Variants in PATJ observed in about 807,000 individuals in gnomAD.
PATJ encodes the protein inaD-like protein.
PATJ carries 190 observed loss-of-function variants against 224.9 expected under a neutral mutation model. The ratio of observed to expected loss-of-function variants is 0.84; its 90% CI spans 0.75 to 0.95. The LOEUF (loss-of-function observed/expected upper bound fraction) is 0.95, where lower values mean the gene tolerates loss of function less well. PATJ is among the 40% of genes least tolerant of loss of function. The pLI, the probability that PATJ is intolerant of heterozygous loss-of-function variation, is 0.00. For synonymous variants in PATJ, 769 were observed against 820.3 expected (o/e 0.94, Z 1.07); for missense variants, 2,121 against 2,270.3 (o/e 0.93, Z 1.34).
At position 61,801,682 on chromosome 1, in the gene PATJ, G is replaced by A; in HGVS notation, c.1462G>A (p.Glu488Lys). The part of the protein sequence containing the change: ...ALFLTGAVET[E>K]TNVDGEDEEI... ...CTTTCTAACTGGAGCAGTGGAAACT[G>A]AAACTAATGTGGATGGTGAAGATGA... The change falls in exon 12 of 44, where the codon GAA becomes AAA. Residue 488 changes from glutamate (E) to lysine (K), a missense_variant. Coordinates refer to ENST00000642238, the MANE Select transcript of PATJ (RefSeq NM_001350145.3). The A allele has an allele frequency of 6.2e-7, 1 of 1,601,866 alleles. No homozygotes were observed. The highest frequency in any genetic ancestry group is 1.1e-5 in the South Asian group (1 of 89,422).
In PATJ at chr1:61,941,537, G is replaced by A. The variant is rs1011835791; in HGVS notation, c.3670+13708G>A. Among the ~76,000 whole-genome samples, 5 of 152,218 alleles carry A rather than the reference G, an allele frequency of 3.3e-5. 1 individual carries two copies. Among genetic ancestry groups the A allele is most frequent in the Admixed American group, 2.6e-4 (4 of 15,302 alleles). On this transcript the variant is annotated intron_variant, in intron 27 of 43. Transcript: ENST00000642238. ...GTGGTGGCACACACCTGTAGTCCCA[G>A]CTATTTGATAGGCTGAAGCACGAGA...
chr1:61,950,536 A>G (rs549888613), intron 27 of PATJ, among the ~76,000 whole-genome samples: 1 of 152,232 alleles, frequency 6.6e-6, no homozygotes, highest in East Asian at 1.9e-4. Context: ...AATTTTGTCT[A>G]TTTTTTGTAT....
intron 6 of PATJ, among the ~76,000 whole-genome samples, chr1:61,773,021 C>A (rs1646704853): frequency 6.6e-6 from 1 of 152,034 alleles, no homozygotes; most frequent in East Asian, 1.9e-4. Context: ...ATTAAACAAT[C>A]CCAATATTGC....
In PATJ at chr1:62,102,090, G is replaced by C. The variant is rs537225049; in HGVS notation, c.4378-6347G>C. Among the ~76,000 whole-genome samples, 15 of 152,130 alleles carry C rather than the reference G, an allele frequency of 9.9e-5. No homozygotes were observed. In the South Asian group the frequency reaches 3.1e-3, roughly 32 times the overall value. ...ACTACTCAGGAGGCTGAGGTGAGAG[G>C]ATCACTTGAGCCCAGGAGGTCAAAC... On this transcript the variant is annotated intron_variant, in intron 33 of 43. Coordinates refer to ENST00000642238, the MANE Select transcript of PATJ (RefSeq NM_001350145.3).
At chr1:61,844,589 T>A (rs1461116958) in intron 17 of PATJ, among the ~76,000 whole-genome samples, 1 of 152,202 alleles carries the variant, frequency 6.6e-6, no homozygotes, top group East Asian at 1.9e-4. Flanking sequence ...GTTATACTTG[T>A]TCTTTTTTTA....
chr1:62,104,708 T>C (rs534212613), intron 33 of PATJ, among the ~76,000 whole-genome samples: 126 of 152,336 alleles, frequency 8.3e-4, no homozygotes, highest in African/African-American at 3.0e-3. Flanking sequence ...AGTCTCATTC[T>C]GTCTTGCCCA....
chr1:61,750,517 C>T (rs1645265496), intron 1 of PATJ, among the ~76,000 whole-genome samples: 1 of 146,362 alleles, frequency 6.8e-6, no homozygotes, highest in Admixed American at 7.0e-5. Flanking sequence ...CTCACCACAA[C>T]CTCTGCCTCC....
At chr1:61,978,092 G>A (rs1644242439) in intron 27 of PATJ, among the ~76,000 whole-genome samples, 1 of 151,508 alleles carries the variant, frequency 6.6e-6, no homozygotes, top group Non-Finnish European at 1.5e-5. Flanking sequence ...TCTCTTCTCT[G>A]AAAGTCATCA....
intron 22 of PATJ, among the ~76,000 whole-genome samples, chr1:61,896,967 T>C (rs767417989): frequency 6.6e-5 from 10 of 152,162 alleles, no homozygotes; most frequent in Non-Finnish European, 1.2e-4. Flanking sequence ...TTTATAACAG[T>C]GTGAAAATGG....
intron 39 of PATJ, among the ~76,000 whole-genome samples, chr1:62,125,598 G>A (rs865885502): frequency 2.3e-4 from 35 of 152,266 alleles, no homozygotes; most frequent in African/African-American, 8.2e-4. Flanking sequence ...GAAACATCAT[G>A]ATGGATTTAA....
Position 61,861,532 on chromosome 1 carries a change from A to C in PATJ, c.2323-19A>C, listed in dbSNP as rs761826899. The stretch of plus-strand genomic sequence containing the variant: ...ACAATATTTTCTTATTTATAAATAA[A>C]AGTGGTTTATATTTTCAGGAAGATA... On this transcript the variant is annotated intron_variant, in intron 18 of 43. Coordinates refer to ENST00000642238, the MANE Select transcript of PATJ (RefSeq NM_001350145.3). 5 of 1,090,628 alleles carry C rather than the reference A, an allele frequency of 4.6e-6. No homozygotes were observed. Among genetic ancestry groups the C allele is most frequent in the Non-Finnish European group, 6.8e-6 (5 of 739,020 alleles). 67.6% of individuals were successfully genotyped at this position (1,090,628 alleles called of 1,614,324 possible).
intron 29 of PATJ, among the ~76,000 whole-genome samples, chr1:62,030,763 A>G (rs535410041): frequency 2.0e-5 from 3 of 152,342 alleles, no homozygotes; most frequent in African/African-American, 7.2e-5. Context: ...ATGTAAATAG[A>G]ATCAAACAGC....
At chr1:62,158,717 T>C in intron 43 of PATJ, among the ~76,000 whole-genome samples, 1 of 87,838 alleles carries the variant, frequency 1.1e-5, no homozygotes, top group Non-Finnish European at 2.2e-5. Flanking sequence ...CGAGACTCTG[T>C]CTCAAAAAAA....
chr1:62,150,593 C>T (rs1467950067), intron 42 of PATJ, among the ~76,000 whole-genome samples: 2 of 144,316 alleles, frequency 1.4e-5, no homozygotes, highest in African/African-American at 5.2e-5. Flanking sequence ...AGGAGGATCA[C>T]TTGAACCCAG....
intron 39 of PATJ, among the ~76,000 whole-genome samples, chr1:62,125,364 ATAT>A (rs1246802737): frequency 1.3e-5 from 2 of 151,968 alleles, no homozygotes; most frequent in East Asian, 3.9e-4. Flanking sequence ...TCAAAGGTAA[ATAT>A]TATTGTGTGG....
chr1:62,034,630 C>T (rs1650012848), intron 29 of PATJ, among the ~76,000 whole-genome samples: 1 of 152,066 alleles, frequency 6.6e-6, no homozygotes, highest in Non-Finnish European at 1.5e-5. Context: ...GCAGCTATGT[C>T]AGCTCTCCAT....
At chr1:61,984,662 G>A (rs11207886) in intron 27 of PATJ, among the ~76,000 whole-genome samples, 2 of 151,818 alleles carry the variant, frequency 1.3e-5, no homozygotes, top group Non-Finnish European at 1.5e-5. Context: ...CAACCAAAAC[G>A]AGTCCTTGGC....
chr1:62,160,790 G>T, intron 43 of PATJ, 118 bp from the exon 44 acceptor site: 20 of 1,011,978 alleles, frequency 2.0e-5, no homozygotes, highest in South Asian at 1.3e-4. Context: ...AACTTAATTG[G>T]TAGTTTTTAA....
At chr1:61,868,615 C>T (rs1258621150) in intron 20 of PATJ, among the ~76,000 whole-genome samples, 2 of 151,990 alleles carry the variant, frequency 1.3e-5, no homozygotes, top group South Asian at 2.1e-4. Flanking sequence ...ATGGTGAAAC[C>T]CCATCTCTAC....
Sources: gnomAD v4.1 joint callset for allele counts (sites outside exome capture counted in the v4.1 genomes callset) on GRCh38, gnomAD v4.1.1 for gene constraint, MANE v1.5 for transcripts, NCBI Gene and HGNC (gene_info 2026-07-23, HGNC 2026-07-21) for gene names.